Variants in CTNNBL1 observed in about 807,000 individuals in gnomAD.
The protein encoded by CTNNBL1 is catenin beta like 1, also known as beta-catenin-like protein 1.
CTNNBL1 carries 31 observed loss-of-function variants against 72.7 expected under a neutral mutation model. The observed-to-expected ratio is 0.43, with a 90% confidence interval of 0.32 to 0.58. CTNNBL1 has a LOEUF of 0.58. Ranked by LOEUF, CTNNBL1 falls within the 20% of genes least tolerant of loss-of-function variation. CTNNBL1 has a pLI of 0.08. For synonymous variants in CTNNBL1, 240 were observed against 267.3 expected, an observed-to-expected ratio of 0.90 and a Z score of 1.00; for missense variants, 534 against 725.1, an observed-to-expected ratio of 0.74 and a Z score of 3.03.
At chr20:37,860,079 C>G in intron 14 of CTNNBL1, 43 bp downstream of exon 14, 1 of 1,596,348 alleles carries the variant, frequency 6.3e-7, no homozygotes, top group Non-Finnish European at 8.5e-7. Context: ...ATCCCTGCCT[C>G]CTTCCTCGCC....
intron 1 of CTNNBL1, among the ~76,000 whole-genome samples, chr20:37,705,844 G>A (rs143407315): frequency 1.3e-5 from 2 of 152,308 alleles, no homozygotes; most frequent in East Asian, 3.9e-4. Flanking sequence ...AGGAGAAGAT[G>A]TAGTAGGAAT....
intron 11 of CTNNBL1, among the ~76,000 whole-genome samples, chr20:37,835,307 A>T (rs1371252180): frequency 6.6e-6 from 1 of 152,236 alleles, no homozygotes; most frequent in Non-Finnish European, 1.5e-5. Flanking sequence ...GCACAAGCCC[A>T]TCCCTCATAA....
intron 1 of CTNNBL1, among the ~76,000 whole-genome samples, chr20:37,723,510 C>A (rs2073059208): frequency 6.6e-6 from 1 of 151,902 alleles, no homozygotes; most frequent in Admixed American, 6.6e-5. Context: ...CGCTTGATAT[C>A]TTTTTTTTCC....
intron 3 of CTNNBL1, 81 bp from the exon 4 acceptor site, chr20:37,746,387 T>C: frequency 1.4e-6 from 2 of 1,475,456 alleles, no homozygotes; most frequent in Non-Finnish European, 1.9e-6. Flanking sequence ...CAGATTGCCT[T>C]GTTGTCTAGA....
intron 1 of CTNNBL1, among the ~76,000 whole-genome samples, chr20:37,718,102 C>T (rs1325777405): frequency 2.6e-5 from 4 of 152,140 alleles, no homozygotes; most frequent in Non-Finnish European, 5.9e-5. Context: ...CATCATGGCC[C>T]GCTCTCAATG....
intron 15 of CTNNBL1, among the ~76,000 whole-genome samples, chr20:37,870,274 G>A (rs2072572283): frequency 6.6e-6 from 1 of 151,956 alleles, no homozygotes; most frequent in African/African-American, 2.4e-5. Flanking sequence ...TGCCACTGGA[G>A]ACATAGGAGG....
chr20:37,833,402 T>A (rs550598142), intron 11 of CTNNBL1, among the ~76,000 whole-genome samples: 74 of 152,280 alleles, frequency 4.9e-4, no homozygotes, highest in African/African-American at 1.6e-3. Flanking sequence ...GGCAGCTAGT[T>A]GTCTGACTGT....
At chr20:37,821,622 T>G (rs533818715) in intron 11 of CTNNBL1, among the ~76,000 whole-genome samples, 1 of 152,356 alleles carries the variant, frequency 6.6e-6, no homozygotes, top group South Asian at 2.1e-4. Flanking sequence ...ATGACTGATA[T>G]GAGCAAGAGC....
At chr20:37,732,007 G>C (rs538314255) in intron 1 of CTNNBL1, among the ~76,000 whole-genome samples, 1 of 152,144 alleles carries the variant, frequency 6.6e-6, no homozygotes, top group Non-Finnish European at 1.5e-5. Context: ...CATCATGGCT[G>C]TATTAATTTG....
At chr20:37,859,860 C>T in intron 13 of CTNNBL1, 39 bp from the exon 14 acceptor site, 1 of 1,605,836 alleles carries the variant, frequency 6.2e-7, no homozygotes, top group East Asian at 2.2e-5. Context: ...CTCCCATTCA[C>T]TGTCCAGCTT....
intron 11 of CTNNBL1, among the ~76,000 whole-genome samples, chr20:37,818,482 G>C (rs1458351534): frequency 6.6e-6 from 1 of 152,172 alleles, no homozygotes; most frequent in Non-Finnish European, 1.5e-5. Flanking sequence ...TGGGACTCTG[G>C]GAAAGGCAAG....
intron 1 of CTNNBL1, among the ~76,000 whole-genome samples, chr20:37,719,088 A>T (rs1342001137): frequency 6.6e-6 from 1 of 152,198 alleles, no homozygotes; most frequent in Non-Finnish European, 1.5e-5. Context: ...TGATGCCACC[A>T]TTGGAAAATT....
chr20:37,722,153 G>A lies in CTNNBL1; in HGVS notation c.31-10726G>A, dbSNP rs55949725. ...ATTTTTTCTTCTACAATCATCTTAT[G>A]TTCTTTGTCAAAAGCTGGCTTTAAG... On this transcript the variant is annotated intron_variant, in intron 1 of 15. Transcript: ENST00000361383. 2.8e-3 allele frequency among the ~76,000 whole-genome samples: 430 copies of A among 152,074 alleles called. 5 individuals are homozygous for A. The highest frequency in any genetic ancestry group is 0.017 in the East Asian group (89 of 5,180).
rs547408725 is a variant in CTNNBL1 at position 37,779,087 on chromosome 20, C to T, written c.883-100C>T. On this transcript the variant is annotated intron_variant, in intron 9 of 15. Coordinates refer to ENST00000361383, the MANE Select transcript of CTNNBL1 (RefSeq NM_030877.5). Reference sequence around the variant, plus strand: ...TTTGGTGAGCTTCTGTTTCCTCAGTCGTAGAGTTATGACCCACAGGTTTTA... The same window carrying T: ...TTTGGTGAGCTTCTGTTTCCTCAGTTGTAGAGTTATGACCCACAGGTTTTA... 1.9e-5 allele frequency: 22 copies of T among 1,175,074 alleles called. No individual in the cohort carries two copies. The Middle Eastern group carries it at 7.7e-4, about 41-fold the overall frequency. 72.8% of individuals were successfully genotyped at this position (1,175,074 alleles called of 1,614,324 possible).
At chr20:37,860,973 T>C (rs1162793552) in intron 15 of CTNNBL1, among the ~76,000 whole-genome samples, 5 of 152,230 alleles carry the variant, frequency 3.3e-5, no homozygotes, top group African/African-American at 4.8e-5. Context: ...GTTTCAGTAC[T>C]GTGTGCAGTT....
chr20:37,827,909 C>T (rs1424157822), intron 11 of CTNNBL1, among the ~76,000 whole-genome samples: 1 of 152,110 alleles, frequency 6.6e-6, no homozygotes, highest in Non-Finnish European at 1.5e-5. Context: ...TATTGCCCAT[C>T]CCCTGCAGCC....
chr20:37,713,075 C>T (rs961314052), intron 1 of CTNNBL1, among the ~76,000 whole-genome samples: 1 of 152,340 alleles, frequency 6.6e-6, no homozygotes, highest in South Asian at 2.1e-4. Flanking sequence ...ACACCTCACT[C>T]AGCATGATGA....
At chr20:37,718,406 C>A (rs567432754) in intron 1 of CTNNBL1, among the ~76,000 whole-genome samples, 2 of 141,022 alleles carry the variant, frequency 1.4e-5, no homozygotes, top group South Asian at 2.3e-4. Context: ...GCTGGCCGGG[C>A]GGGGGGCTGA....
intron 3 of CTNNBL1, among the ~76,000 whole-genome samples, chr20:37,742,083 A>C (rs182902262): frequency 6.6e-6 from 1 of 152,330 alleles, no homozygotes; most frequent in East Asian, 1.9e-4. Flanking sequence ...TTTGACTCTT[A>C]AAATTTCAAC....
Sources: gnomAD v4.1 joint callset for allele counts (sites outside exome capture counted in the v4.1 genomes callset) on GRCh38, gnomAD v4.1.1 for gene constraint, MANE v1.5 for transcripts, NCBI Gene and HGNC (gene_info 2026-07-23, HGNC 2026-07-21) for gene names.